Variants in PRRC2B observed in about 807,000 individuals in gnomAD.
PRRC2B encodes proline rich coiled-coil 2B.
A neutral mutation model predicts 242.3 loss-of-function variants in PRRC2B; 68 were observed. That is an observed-to-expected ratio of 0.28 (90% CI 0.23 to 0.34). PRRC2B has a LOEUF of 0.34. Ranked by LOEUF, PRRC2B falls within the 10% of genes least tolerant of loss-of-function variation. The pLI, the probability that PRRC2B is intolerant of heterozygous loss-of-function variation, is 1.00. For synonymous variants in PRRC2B, 1,228 were observed against 1,173.6 expected (o/e 1.05, Z -0.95); for missense variants, 2,835 against 2,954.8 (o/e 0.96, Z 0.94).
At chr9:131,478,642 G>GGGCGGGGGGGGGGC in intron 18 of PRRC2B, 23 bp downstream of exon 18, 1 of 482,038 alleles carries the variant, frequency 2.1e-6, no homozygotes, top group Non-Finnish European at 4.2e-6. Context: ...GGGTGGGGGG[G>GGGCGGGGGGGGGGC]CATGGGGCTG....
intron 1 of PRRC2B, among the ~76,000 whole-genome samples, chr9:131,388,112 C>CG (rs1554756503): frequency 6.8e-6 from 1 of 146,082 alleles, no homozygotes; most frequent in Non-Finnish European, 1.5e-5. Flanking sequence ...GCATTGTGGG[C>CG]GGGGGGCCGA....
chr9:131,486,863 T>C (rs1235927360), intron 26 of PRRC2B, among the ~76,000 whole-genome samples: 2 of 152,272 alleles, frequency 1.3e-5, no homozygotes, highest in African/African-American at 2.4e-5. Flanking sequence ...ATCTTTCTTT[T>C]TGTGCATTGT....
chr9:131,496,029 T>G lies in PRRC2B; in HGVS notation c.*155T>G. 1.9e-6 allele frequency: 2 copies of G among 1,057,228 alleles called. No individual in the cohort carries two copies. 65.5% of individuals were successfully genotyped at this position (1,057,228 alleles called of 1,614,324 possible). On this transcript the variant is annotated 3_prime_UTR_variant, in exon 32 of 32. Transcript: ENST00000683519. ...TCCTCTCCACTCCCGAAAGCTCCGT[T>G]GTCAACCAGCTTGCACCCGTGGATA...
chr9:131,479,196 GA>G (rs1943789725), intron 18 of PRRC2B, 55 bp from the exon 19 acceptor site: 7 of 1,578,750 alleles, frequency 4.4e-6, no homozygotes, highest in Non-Finnish European at 6.1e-6. Flanking sequence ...ATCCTGGGGA[GA>G]ATTTGTCAGT....
intron 22 of PRRC2B, among the ~76,000 whole-genome samples, 168 bp downstream of exon 22, chr9:131,483,075 C>T (rs1374767122): frequency 6.6e-6 from 1 of 152,136 alleles, no homozygotes; most frequent in Non-Finnish European, 1.5e-5. Flanking sequence ...ATGGCCAGTG[C>T]TCTGTTGAGT....
chr9:131,487,196 C>T lies in PRRC2B; in HGVS notation c.5886C>T (p.Ser1962=), dbSNP rs1373017161. 1.9e-6 allele frequency: 3 copies of T among 1,613,842 alleles called. No individual in the cohort carries two copies. Among genetic ancestry groups the T allele is most frequent in the East Asian group, 2.2e-5 (1 of 44,870 alleles). Reference sequence around the variant, plus strand: ...CCGCTGCCCAGCAGATCCCGATCTCCCTTCACACATCTCTGCAGGCACAAG... The same window carrying T: ...CCGCTGCCCAGCAGATCCCGATCTCTCTTCACACATCTCTGCAGGCACAAG... ...QAAAAQQIPI[S]LHTSLQAQAQ... The change falls in exon 27 of 32, where the codon TCC becomes TCT. Residue 1962 remains serine (S), a synonymous_variant. Coordinates refer to ENST00000683519, the MANE Select transcript of PRRC2B (RefSeq NM_013318.4). This position sits in a 1 kb window ranked among gnomAD's most constrained non-coding sequence, Gnocchi z 5.3.
chr9:131,438,460 T>C (rs1193376287), intron 4 of PRRC2B, among the ~76,000 whole-genome samples: 1 of 152,146 alleles, frequency 6.6e-6, no homozygotes, highest in Non-Finnish European at 1.5e-5. Flanking sequence ...CCTAGGGTTC[T>C]CAGGAGGGGA....
At chr9:131,444,575 G>A (rs1388416677) in intron 6 of PRRC2B, among the ~76,000 whole-genome samples, 1 of 152,110 alleles carries the variant, frequency 6.6e-6, no homozygotes, top group Non-Finnish European at 1.5e-5. Flanking sequence ...TCATCCGGTT[G>A]TTAATTTTGC....
chr9:131,485,988 C>A (rs899114165), intron 25 of PRRC2B, 97 bp from the exon 26 acceptor site: 9 of 875,720 alleles, frequency 1.0e-5, no homozygotes, highest in African/African-American at 1.7e-5. Flanking sequence ...ACTGAGTCCC[C>A]TGGGTAGAGC....
At chr9:131,490,791 G>A (rs935233402) in intron 28 of PRRC2B, 1 of 355,614 alleles carries the variant, frequency 2.8e-6, no homozygotes, top group East Asian at 7.4e-5. Flanking sequence ...GAACGTGTGT[G>A]CTGTACAAAG....
chr9:131,430,363 C>A, intron 2 of PRRC2B, 104 bp downstream of exon 2: 1 of 655,260 alleles, frequency 1.5e-6, no homozygotes, highest in Admixed American at 2.7e-5. Context: ...TCCGTGCACA[C>A]CAGGCTTCTG....
intron 1 of PRRC2B, among the ~76,000 whole-genome samples, chr9:131,413,774 C>T (rs983090495): frequency 6.6e-6 from 1 of 152,166 alleles, no homozygotes. Flanking sequence ...CAGGTTCAAG[C>T]GATTCTTCGG....
rs759471743 is a variant in PRRC2B at position 131,447,655 on chromosome 9, T to TTA, written c.978-5_978-4dup. ...GGACATGATTCCATCATCTTTTCTT[T>TTA]TATCAGAAAAGAAAACAGGCTGGGA... On this transcript the variant is annotated splice_region_variant and splice_polypyrimidine_tract_variant and intron_variant, in intron 8 of 31. Coordinates refer to ENST00000683519, the MANE Select transcript of PRRC2B (RefSeq NM_013318.4). 1.2e-5 allele frequency: 19 copies of TTA among 1,582,614 alleles called. No homozygotes were observed. The highest frequency in any genetic ancestry group is 1.5e-5 in the Non-Finnish European group (18 of 1,161,306).
At chr9:131,393,849 C>T (rs1185352677), upstream of PRRC2B, among the ~76,000 whole-genome samples, 3 of 151,650 alleles carry the variant, frequency 2.0e-5, 1 homozygote, top group Non-Finnish European at 4.4e-5. Context: ...CCGCCGTCCC[C>T]GGGCCCCTCC....
At position 131,498,545 on chromosome 9, in the gene PRRC2B, C is replaced by T. The variant is rs191524564; in HGVS notation, c.*2671C>T. On this transcript the variant is annotated 3_prime_UTR_variant, in exon 32 of 32. Transcript: ENST00000683519. ...GTTTTAAGGTGCAATATATCTCTTC[C>T]TTTCCCGTGGTTTTAGAGCCAAGCT... 43 of 152,346 alleles carry T rather than the reference C, an allele frequency of 2.8e-4. No individual in the cohort carries two copies. Among genetic ancestry groups the T allele is most frequent in the Admixed American group, 2.6e-3 (40 of 15,306 alleles). 9.4% of individuals were successfully genotyped at this position (152,346 alleles called of 1,614,324 possible).
At chr9:131,418,643 G>A (rs1273932113) in intron 1 of PRRC2B, among the ~76,000 whole-genome samples, 1 of 152,192 alleles carries the variant, frequency 6.6e-6, no homozygotes, top group Non-Finnish European at 1.5e-5. Context: ...AAAGGCTTTG[G>A]GTGTAAACAA....
chr9:131,453,540 C>T (rs182307739), intron 9 of PRRC2B, among the ~76,000 whole-genome samples: 16 of 152,154 alleles, frequency 1.1e-4, no homozygotes, highest in Non-Finnish European at 1.9e-4. Context: ...GCTTAGTTAG[C>T]CTTGTGTTTG....
Position 131,446,945 on chromosome 9 carries a change from T to G in PRRC2B, c.856-140T>G. On this transcript the variant is annotated intron_variant, in intron 7 of 31. Transcript: ENST00000683519. This position sits in a 1 kb window ranked among gnomAD's most constrained non-coding sequence, Gnocchi z 4.1. ...AGCAGGAATGAAATGGGGGAGATGG[T>G]GGTAGGATTAATTAGGAAACCCCAT... The G allele has an allele frequency of 9.0e-7, 1 of 1,112,666 alleles. No homozygotes were observed. Among genetic ancestry groups the G allele is most frequent in the Non-Finnish European group, 1.3e-6 (1 of 781,424 alleles). 68.9% of individuals were successfully genotyped at this position (1,112,666 alleles called of 1,614,324 possible). A position where few individuals can be genotyped will look rare whatever the true frequency, so the allele number is the denominator to read the frequency against.
In PRRC2B at chr9:131,497,594, T is replaced by G. The variant is rs1944367098; in HGVS notation, c.*1720T>G. On this transcript the variant is annotated 3_prime_UTR_variant, in exon 32 of 32. Coordinates refer to ENST00000683519, the MANE Select transcript of PRRC2B (RefSeq NM_013318.4). ...CATGGGGAAGGAGCATCTTAGGAACTGCTGAAGTAACTTCTTACTGCTCTC... is the reference window on the plus strand; with the variant it reads ...CATGGGGAAGGAGCATCTTAGGAACGGCTGAAGTAACTTCTTACTGCTCTC... The G allele has an allele frequency of 2.0e-5, 3 of 152,140 alleles. No homozygotes were observed. The highest frequency in any genetic ancestry group is 1.3e-4 in the Admixed American group (2 of 15,282). The allele number at this position is 152,140 out of a possible 1,614,324, so 9.4% of individuals were successfully genotyped here. A position where few individuals can be genotyped will look rare whatever the true frequency, so the allele number is the denominator to read the frequency against.
Sources: allele counts gnomAD v4.1 joint callset (sites outside exome capture counted in the v4.1 genomes callset), GRCh38; gene constraint gnomAD v4.1.1; non-coding constraint Gnocchi (gnomAD v3.1); transcripts MANE v1.5; gene names NCBI Gene and HGNC (gene_info 2026-07-23, HGNC 2026-07-21).